CD38: variants seen among roughly 807,000 people sequenced by gnomAD.
CD38 encodes ADP-ribosyl cyclase/cyclic ADP-ribose hydrolase 1.
Under a neutral mutation model 36.3 loss-of-function variants are expected in CD38, and 31 were observed. That is an observed-to-expected ratio of 0.85 (90% CI 0.64 to 1.15). The LOEUF is 1.15. Among genes scored for constraint, CD38 ranks in the 50% most tolerant of loss-of-function variants. CD38 has a pLI of 0.00. For missense variants in CD38, 380 were observed against 371.9 expected (o/e 1.02, Z -0.18); for synonymous variants, 131 against 135.2 (o/e 0.97, Z 0.22).
chr4:15,778,636 T>C lies in CD38; in HGVS notation c.222T>C (p.His74=). The C allele has an allele frequency of 6.2e-7, 1 of 1,611,354 alleles. No homozygotes were observed. ...GATGCGTCAAGTACACTGAAATTCA[T>C]CCTGAGATGAGGTGGGTTGGCGACT... is the stretch of plus-strand genomic sequence containing the variant. ...LARCVKYTEI[H]PEMRHVDCQS... Residue 74 remains histidine (H), a synonymous_variant, in exon 1 of 8, where the codon CAT becomes CAC. Transcript: ENST00000226279. This position sits in a 1 kb window ranked among gnomAD's most constrained non-coding sequence, Gnocchi z 4.9.
chr4:15,802,537 T>C (rs147205063), intron 1 of CD38, among the ~76,000 whole-genome samples: 1 of 136,038 alleles, frequency 7.4e-6, no homozygotes. Context: ...TTTTATTTTA[T>C]TTTATTTTAT....
Position 15,808,765 on chromosome 4 carries a change from A to G in CD38, c.234-7746A>G, listed in dbSNP as rs75273022. Among the ~76,000 whole-genome samples the G allele has an allele frequency of 3.2e-3, 485 of 152,344 alleles. 1 individual carries two copies. The highest frequency in any genetic ancestry group is 0.011 in the African/African-American group (463 of 41,578). Reference sequence around the variant, plus strand: ...CTTTCAGATTTGTTTGCTTGATTGCATTAGCCTTGCCTGGCCCTACGGTAA... The same window carrying G: ...CTTTCAGATTTGTTTGCTTGATTGCGTTAGCCTTGCCTGGCCCTACGGTAA... On this transcript the variant is annotated intron_variant, in intron 1 of 7. Coordinates refer to ENST00000226279, the MANE Select transcript of CD38 (RefSeq NM_001775.4).
chr4:15,802,197 A>C (rs577514617), intron 1 of CD38, among the ~76,000 whole-genome samples: 33 of 151,996 alleles, frequency 2.2e-4, no homozygotes, highest in Non-Finnish European at 3.5e-4. Context: ...GCTACCCCCC[A>C]AAAAAAACCT....
intron 1 of CD38, among the ~76,000 whole-genome samples, chr4:15,793,389 T>C (rs1723045228): frequency 6.6e-6 from 1 of 152,140 alleles, no homozygotes; most frequent in African/African-American, 2.4e-5. Context: ...TTATGCTTGT[T>C]TCTCTTTTAC....
At chr4:15,838,230 T>A in intron 5 of CD38, 65 bp downstream of exon 5, 1 of 1,214,440 alleles carries the variant, frequency 8.2e-7, no homozygotes, top group East Asian at 2.3e-5. Context: ...GAATATTTCA[T>A]CTCTAGAAAG....
intron 3 of CD38, among the ~76,000 whole-genome samples, chr4:15,828,249 CAAGCG>C (rs1723890628): frequency 6.6e-6 from 1 of 151,964 alleles, no homozygotes; most frequent in Non-Finnish European, 1.5e-5. Flanking sequence ...CTCCTGGGCT[CAAGCG>C]ATCTACCCTC....
chr4:15,784,140 T>C (rs1452420036), intron 1 of CD38, among the ~76,000 whole-genome samples: 1 of 152,212 alleles, frequency 6.6e-6, no homozygotes, highest in African/African-American at 2.4e-5. Flanking sequence ...CCATTGCTTC[T>C]GTGCAGTTAG....
chr4:15,793,355 A>C lies in CD38; in HGVS notation c.233+14708A>C, dbSNP rs376702574. On this transcript the variant is annotated intron_variant, in intron 1 of 7. Coordinates refer to ENST00000226279, the MANE Select transcript of CD38 (RefSeq NM_001775.4). Reference sequence around the variant, plus strand: ...ATTTCATTTCAAAGTAAAGGGAACAAAGTTTTTATTTAACATGTTAATTTT... The same window carrying C: ...ATTTCATTTCAAAGTAAAGGGAACACAGTTTTTATTTAACATGTTAATTTT... 2.0e-5 allele frequency among the ~76,000 whole-genome samples: 3 copies of C among 152,010 alleles called. No homozygotes were observed. The East Asian group carries it at 5.8e-4, about 29-fold the overall frequency.
intron 1 of CD38, among the ~76,000 whole-genome samples, chr4:15,784,367 G>A (rs925595201): frequency 1.3e-5 from 2 of 152,214 alleles, no homozygotes; most frequent in African/African-American, 4.8e-5. Flanking sequence ...GTGCTCTGGA[G>A]AGTGTGTGTT....
At chr4:15,789,483 A>C (rs1166954234) in intron 1 of CD38, among the ~76,000 whole-genome samples, 1 of 152,224 alleles carries the variant, frequency 6.6e-6, no homozygotes, top group Non-Finnish European at 1.5e-5. Context: ...AAAAAGCCAT[A>C]AACTTTGGGG....
intron 2 of CD38, 51 bp downstream of exon 2, chr4:15,816,691 T>G (rs746798454): frequency 1.9e-5 from 30 of 1,590,892 alleles, no homozygotes; most frequent in Non-Finnish European, 2.6e-5. Flanking sequence ...AAGCCAATGG[T>G]AACAATTCAT....
chr4:15,821,031 A>G (rs1723721712), intron 2 of CD38, among the ~76,000 whole-genome samples: 1 of 152,216 alleles, frequency 6.6e-6, no homozygotes, highest in African/African-American at 2.4e-5. Context: ...CAAGATTAAG[A>G]AACTCACTGA....
intron 3 of CD38, among the ~76,000 whole-genome samples, chr4:15,831,913 A>G (rs538994652): frequency 6.6e-6 from 1 of 152,154 alleles, no homozygotes; most frequent in Non-Finnish European, 1.5e-5. Flanking sequence ...TTTGACACCA[A>G]TAACTCTTGG....
intron 2 of CD38, among the ~76,000 whole-genome samples, 165 bp from the exon 3 acceptor site, chr4:15,824,716 T>C (rs1249926996): frequency 6.6e-6 from 1 of 151,888 alleles, no homozygotes; most frequent in Non-Finnish European, 1.5e-5. Flanking sequence ...TCTCCGCCAC[T>C]CTCCTGCACA....
In CD38 at chr4:15,834,450, G is replaced by A. The variant is rs1724023407; in HGVS notation, c.585+148G>A. ...TCATTCCTGAGAAAAAGGTTCAGATGCACATGCCAGAAAATTTACACATCC... is the reference window on the plus strand; with the variant it reads ...TCATTCCTGAGAAAAAGGTTCAGATACACATGCCAGAAAATTTACACATCC... On this transcript the variant is annotated intron_variant, in intron 4 of 7. Coordinates refer to ENST00000226279, the MANE Select transcript of CD38 (RefSeq NM_001775.4). 6 of 609,628 alleles carry A rather than the reference G, an allele frequency of 9.8e-6. No individual in the cohort carries two copies. In the South Asian group the frequency reaches 1.0e-4, roughly 11 times the overall value. The allele number at this position is 609,628 out of a possible 1,614,324, so 37.8% of individuals were successfully genotyped here.
In CD38 at chr4:15,781,452, GA is replaced by G. The variant is rs551838619; in HGVS notation, c.233+2808del. On this transcript the variant is annotated intron_variant, in intron 1 of 7. Transcript: ENST00000226279. ...ATTAATAGAGAGAAAGAGATTTTAA[GA>G]AATTGGCTTATATCATTGTGAAGTC... Among the ~76,000 whole-genome samples, 51 of 152,328 alleles carry G rather than the reference GA, an allele frequency of 3.3e-4. 1 individual carries two copies. Among genetic ancestry groups the G allele is most frequent in the Middle Eastern group, 3.4e-3 (1 of 294 alleles).
At chr4:15,828,412 T>C (rs560852422) in intron 3 of CD38, among the ~76,000 whole-genome samples, 1 of 152,338 alleles carries the variant, frequency 6.6e-6, no homozygotes, top group East Asian at 1.9e-4. Context: ...ATCACCATGC[T>C]GTGCAATAAA....
At chr4:15,826,450 CTT>C (rs67437756) in intron 3 of CD38, among the ~76,000 whole-genome samples, 26,512 of 140,722 alleles carry the variant, frequency 0.19, 2,399 homozygotes, top group South Asian at 0.24. Context: ...GTAAGAAACA[CTT>C]TTGTGCGCAC....
In CD38 at chr4:15,840,103, G is replaced by C. The variant is rs147394552; in HGVS notation, c.737G>C (p.Gly246Ala). ...QTLEAWVIHG[G>A]REDSRDLCQD... ...CTAGAGGCCTGGGTGATACATGGTG[G>C]AAGAGAAGATTCCAGGTATATCTTA... Residue 246 changes from glycine (G) to alanine (A), a missense_variant, in exon 6 of 8, where the codon GGA becomes GCA. Gly to Ala is a moderately conservative substitution (Grantham distance 60). Coordinates refer to ENST00000226279, the MANE Select transcript of CD38 (RefSeq NM_001775.4). 1 of 1,609,562 alleles carries C rather than the reference G, an allele frequency of 6.2e-7. No individual in the cohort carries two copies. Among genetic ancestry groups the C allele is most frequent in the African/African-American group, 1.3e-5 (1 of 74,788 alleles).
Sources: gnomAD v4.1 joint callset for allele counts (sites outside exome capture counted in the v4.1 genomes callset) on GRCh38, gnomAD v4.1.1 for gene constraint, Gnocchi (gnomAD v3.1) non-coding constraint, MANE v1.5 for transcripts, NCBI Gene and HGNC (gene_info 2026-07-23, HGNC 2026-07-21) for gene names.